The following NEGR1 variants were observed in gnomAD, a reference collection of about 807,000 sequenced individuals.
The protein encoded by NEGR1 is neuronal growth regulator 1, also known as IgLON family member 4.
Under a neutral mutation model 40.9 loss-of-function variants are expected in NEGR1, and 10 were observed. The observed-to-expected ratio is 0.24, with a 90% CI of 0.15 to 0.42. The LOEUF (loss-of-function observed/expected upper bound fraction) is 0.42, where lower values mean the gene tolerates loss of function less well. NEGR1 is among the 10% of genes least tolerant of loss of function. The pLI, the probability that NEGR1 is intolerant of heterozygous loss-of-function variation, is 1.00. For synonymous variants in NEGR1, 185 were observed against 166.8 expected (o/e 1.11, Z -0.84); for missense variants, 352 against 438.9 (o/e 0.80, Z 1.77).
chr1:72,259,894 T>C (rs546277323), intron 1 of NEGR1, among the ~76,000 whole-genome samples: 1 of 152,128 alleles, frequency 6.6e-6, no homozygotes. Flanking sequence ...TTTACTATTC[T>C]TATTCCTCTA....
At chr1:72,045,588 A>C (rs1045379366) in intron 1 of NEGR1, among the ~76,000 whole-genome samples, 9 of 151,748 alleles carry the variant, frequency 5.9e-5, no homozygotes, top group Non-Finnish European at 1.2e-4. Context: ...CATCCATATA[A>C]GATGTGACTT....
At chr1:71,708,514 T>C (rs1121296) in intron 3 of NEGR1, among the ~76,000 whole-genome samples, 51,434 of 151,774 alleles carry the variant, frequency 0.34, 9,491 homozygotes, top group East Asian at 0.61. Flanking sequence ...AAAATTTATA[T>C]GGAACCATAC....
intron 2 of NEGR1, among the ~76,000 whole-genome samples, chr1:71,812,107 C>T (rs1658024805): frequency 6.6e-6 from 1 of 151,920 alleles, no homozygotes; most frequent in Non-Finnish European, 1.5e-5. Flanking sequence ...TCCATGTGTT[C>T]TCATTGTTCA....
At chr1:71,440,664 C>T (rs953189367) in intron 6 of NEGR1, among the ~76,000 whole-genome samples, 3 of 152,142 alleles carry the variant, frequency 2.0e-5, no homozygotes, top group Admixed American at 1.3e-4. Flanking sequence ...TTAGAAAGGC[C>T]TACCATCAGG....
At chr1:71,824,825 G>A (rs186993101) in intron 2 of NEGR1, among the ~76,000 whole-genome samples, 47 of 151,960 alleles carry the variant, frequency 3.1e-4, no homozygotes, top group South Asian at 1.9e-3. Flanking sequence ...TGCATGTGTC[G>A]TTGATTTATT....
chr1:71,878,343 A>T (rs1207246042), intron 2 of NEGR1, among the ~76,000 whole-genome samples: 1 of 152,056 alleles, frequency 6.6e-6, no homozygotes, highest in East Asian at 1.9e-4. Context: ...AATTAGAATC[A>T]CCTGAAGGGC....
intron 4 of NEGR1, among the ~76,000 whole-genome samples, chr1:71,692,212 T>A (rs1021276168): frequency 1.3e-5 from 2 of 151,766 alleles, no homozygotes; most frequent in Non-Finnish European, 3.0e-5. Flanking sequence ...GGAGATGTTA[T>A]AGGAACTAAT....
intron 6 of NEGR1, among the ~76,000 whole-genome samples, chr1:71,483,589 T>C (rs1190058678): frequency 6.6e-6 from 1 of 151,772 alleles, no homozygotes; most frequent in Non-Finnish European, 1.5e-5. Context: ...TTAAGTCATA[T>C]GTGGCTCATA....
intron 6 of NEGR1, among the ~76,000 whole-genome samples, chr1:71,493,209 C>G (rs72675000): frequency 0.047 from 7,173 of 152,150 alleles, 234 homozygotes; most frequent in Non-Finnish European, 0.07. Context: ...TGAATCCAGG[C>G]TCTCCCTCAT....
At chr1:71,478,701 T>A (rs888825491) in intron 6 of NEGR1, among the ~76,000 whole-genome samples, 9 of 152,004 alleles carry the variant, frequency 5.9e-5, no homozygotes, top group African/African-American at 2.2e-4. Context: ...TAGGAGAATC[T>A]AGAAGCAATA....
In NEGR1 at chr1:71,592,923, T is replaced by C. The variant is rs1163337332; in HGVS notation, c.834A>G (p.Thr278=). ...QQGIIIQNFS[T]RSILTVTNVT... ...CGTTGGTAACAGTGAGAATGGATCTTGTGCTAAAATTTTGAATAATAATTC... is the reference window on the plus strand; with the variant it reads ...CGTTGGTAACAGTGAGAATGGATCTCGTGCTAAAATTTTGAATAATAATTC... The change falls in exon 6 of 7, where the codon ACA becomes ACG. Residue 278 remains threonine, a synonymous_variant. Coordinates refer to ENST00000357731, the MANE Select transcript of NEGR1 (RefSeq NM_173808.3). 4 of 1,612,092 alleles carry C rather than the reference T, an allele frequency of 2.5e-6. No individual in the cohort carries two copies. The highest frequency in any genetic ancestry group is 3.4e-6 in the Non-Finnish European group (4 of 1,178,352).
chr1:71,591,029 C>G (rs990121295), intron 6 of NEGR1, among the ~76,000 whole-genome samples: 10 of 152,044 alleles, frequency 6.6e-5, no homozygotes, highest in African/African-American at 1.2e-4. Context: ...ATAAAAATAA[C>G]TATAAGACAA....
intron 1 of NEGR1, among the ~76,000 whole-genome samples, chr1:72,268,434 T>A (rs1261419676): frequency 6.6e-6 from 1 of 151,442 alleles, no homozygotes; most frequent in East Asian, 1.9e-4. Flanking sequence ...CGCACGTAAG[T>A]TTTTTGTAAC....
intron 2 of NEGR1, among the ~76,000 whole-genome samples, chr1:71,934,686 T>C (rs963147712): frequency 9.9e-5 from 15 of 152,154 alleles, no homozygotes; most frequent in Non-Finnish European, 1.8e-4. Context: ...AAGGAAGATA[T>C]GAGGTGAATC....
Position 71,401,780 on chromosome 1 carries a change from G to C in NEGR1, c.*5666C>G, listed in dbSNP as rs1338238466. On this transcript the variant is annotated 3_prime_UTR_variant, in exon 7 of 7. Transcript: ENST00000357731. Reference sequence around the variant, plus strand: ...AAACTTGACACATTTTTTGCAAAATGCTATACAAAAAGAAGATACATGCGA... The same window carrying C: ...AAACTTGACACATTTTTTGCAAAATCCTATACAAAAAGAAGATACATGCGA... 2.6e-5 allele frequency: 4 copies of C among 152,032 alleles called. No homozygotes were observed. The highest frequency in any genetic ancestry group is 9.7e-5 in the African/African-American group (4 of 41,410). 9.4% of individuals were successfully genotyped at this position (152,032 alleles called of 1,614,324 possible). A position where few individuals can be genotyped will look rare whatever the true frequency, so the allele number is the denominator to read the frequency against.
At chr1:71,779,974 T>G (rs72678951) in intron 2 of NEGR1, among the ~76,000 whole-genome samples, 2 of 138,732 alleles carry the variant, frequency 1.4e-5, no homozygotes, top group Non-Finnish European at 3.0e-5. Context: ...CAGAATAAGG[T>G]GTGGTATAGA....
chr1:72,114,511 T>A (rs1448917962), intron 1 of NEGR1, among the ~76,000 whole-genome samples: 2 of 151,890 alleles, frequency 1.3e-5, no homozygotes, highest in Middle Eastern at 3.4e-3. Flanking sequence ...TAGATCTAGA[T>A]AGAGCTCCGT....
At chr1:72,091,629 T>C (rs1312470958) in intron 1 of NEGR1, among the ~76,000 whole-genome samples, 2 of 152,236 alleles carry the variant, frequency 1.3e-5, no homozygotes, top group Middle Eastern at 3.4e-3. Flanking sequence ...TAGGGAGAAC[T>C]GATTTTGCTT....
intron 3 of NEGR1, among the ~76,000 whole-genome samples, chr1:71,761,182 G>A (rs1185051992): frequency 2.0e-5 from 3 of 152,134 alleles, no homozygotes; most frequent in Admixed American, 6.6e-5. Context: ...GCAGGAGTCA[G>A]CAAACATTTT....
Sources: allele counts gnomAD v4.1 joint callset (sites outside exome capture counted in the v4.1 genomes callset), GRCh38; gene constraint gnomAD v4.1.1; transcripts MANE v1.5; gene names NCBI Gene and HGNC (gene_info 2026-07-23, HGNC 2026-07-21).